Variants in CFAP410 observed in about 807,000 individuals in gnomAD.
The protein encoded by CFAP410 is cilia and flagella associated protein 410.
In CFAP410, 27 loss-of-function variants were observed where a neutral mutation model predicts 25.7. The ratio of observed to expected loss-of-function variants is 1.05; its 90% CI spans 0.77 to 1.45. CFAP410 has a LOEUF of 1.45. Ranked by LOEUF, CFAP410 falls within the 40% of genes most tolerant of loss-of-function variation. The pLI is 0.00. For missense variants in CFAP410, 428 were observed against 354.1 expected, an observed-to-expected ratio of 1.21 and a Z score of -1.67; for synonymous variants, 178 against 158.4, an observed-to-expected ratio of 1.12 and a Z score of -0.93.
At chr21:44,331,036 TGGCACACGGG>T in intron 5 of CFAP410, 117 bp from the exon 6 acceptor site, 1 of 945,278 alleles carries the variant, frequency 1.1e-6, no homozygotes, top group Non-Finnish European at 1.5e-6. Flanking sequence ...AAATCCCACC[TGGCACACGGG>T]GGCAAGAGAA....
chr21:44,334,131 T>G (rs1488353508), intron 3 of CFAP410: 1 of 456,166 alleles, frequency 2.2e-6, no homozygotes, highest in Non-Finnish European at 4.4e-6. Context: ...AGCAGCGTGA[T>G]GTACCGACCG....
chr21:44,332,451 A>G (rs73907173), intron 4 of CFAP410: 6,018 of 166,432 alleles, frequency 0.036, 348 homozygotes, highest in African/African-American at 0.12. Context: ...TGTGCTGAGA[A>G]TGCCAAGGAT....
chr21:44,333,397 C>CT, intron 3 of CFAP410, 135 bp from the exon 4 acceptor site: 2 of 695,806 alleles, frequency 2.9e-6, no homozygotes, highest in East Asian at 5.5e-5. Flanking sequence ...AATCGGATGT[C>CT]ACAAGTCACG....
chr21:44,339,160 GC>G lies in CFAP410; in HGVS notation c.34del (p.Ala12ProfsTer33). ...KLTRKMVLTR[A>X]KASELHSVRK... ...CACGCTGTGCAGCTCCGAGGCCTTGGCCCGGGTCAGAACCATCTTCCGCGTC... is the reference window on the plus strand; with the variant it reads ...CACGCTGTGCAGCTCCGAGGCCTTGGCCGGGTCAGAACCATCTTCCGCGTC... On this transcript the variant is annotated frameshift_variant, in exon 1 of 7. Coordinates refer to ENST00000339818, the MANE Select transcript of CFAP410 (RefSeq NM_004928.3). LOFTEE classifies it high-confidence loss of function. 6.8e-7 allele frequency: 1 copy of G among 1,474,574 alleles called. No homozygotes were observed. The allele number at this position is 1,474,574 out of a possible 1,614,324, so 91.3% of individuals were successfully genotyped here.
chr21:44,331,263 G>A (rs901073049), intron 5 of CFAP410: 40 of 393,998 alleles, frequency 1.0e-4, no homozygotes, highest in East Asian at 6.8e-4. Context: ...GCCCTGTGCC[G>A]GATGGCAGAT....
chr21:44,330,740 G>A, intron 6 of CFAP410, 83 bp downstream of exon 6: 3 of 1,550,450 alleles, frequency 1.9e-6, no homozygotes, highest in Non-Finnish European at 2.6e-6. Context: ...GCCCTGTGAG[G>A]CTCCATGCTC....
At chr21:44,338,246 G>A (rs1419355455) in intron 1 of CFAP410, 3 of 1,263,010 alleles carry the variant, frequency 2.4e-6, no homozygotes. Flanking sequence ...TGGGCAGTCT[G>A]CGGACACCCC....
chr21:44,331,434 G>C (rs943730935), intron 5 of CFAP410: 2 of 258,002 alleles, frequency 7.8e-6, no homozygotes, highest in African/African-American at 4.6e-5. Flanking sequence ...TCAGCCCTGT[G>C]GCCCCTCCAC....
chr21:44,330,457 A>G lies in CFAP410; in HGVS notation c.643-131T>C, dbSNP rs182189357. ...CCCGGGGGTGTGGGCCGTCCAAGTG[A>G]CTGACCGGCACACTCGGAGAATCTG... On this transcript the variant is annotated intron_variant, in intron 6 of 6. Transcript: ENST00000339818. 3.0e-4 allele frequency: 464 copies of G among 1,532,882 alleles called. 3 individuals are homozygous for G. In the East Asian group the frequency reaches 6.7e-3, roughly 22 times the overall value. The allele number at this position is 1,532,882 out of a possible 1,614,324, so 95.0% of individuals were successfully genotyped here.
intron 6 of CFAP410, 52 bp from the exon 7 acceptor site, chr21:44,330,378 C>G: frequency 6.3e-7 from 1 of 1,583,728 alleles, no homozygotes; most frequent in Non-Finnish European, 8.6e-7. Flanking sequence ...GAGGCTGCTT[C>G]CCTCCACAAG....
intron 2 of CFAP410, among the ~76,000 whole-genome samples, chr21:44,337,312 T>C (rs1447058914): frequency 2.0e-5 from 3 of 152,160 alleles, no homozygotes; most frequent in Non-Finnish European, 4.4e-5. Flanking sequence ...AACTTCCCCG[T>C]AACAAAGTAA....
chr21:44,334,353 C>T (rs1332449560), intron 3 of CFAP410: 4 of 436,856 alleles, frequency 9.2e-6, no homozygotes, highest in African/African-American at 8.1e-5. Flanking sequence ...CAGCCCCGCC[C>T]CAAGCTTCCT....
In CFAP410 at chr21:44,331,887, A is replaced by AGCGGAGCT; in HGVS notation, c.493_500dup (p.Glu169ProfsTer26). The AGCGGAGCT allele has an allele frequency of 6.2e-7, 1 of 1,612,866 alleles. No individual in the cohort carries two copies. Among genetic ancestry groups the AGCGGAGCT allele is most frequent in the Non-Finnish European group, 8.5e-7 (1 of 1,179,824 alleles). On this transcript the variant is annotated frameshift_variant, in exon 5 of 7. Transcript: ENST00000339818. LOFTEE classifies it high-confidence loss of function. The stretch of plus-strand genomic sequence containing the variant: ...CCAGCGGGTCCCGGCCAGTCTCAGC[A>AGCGGAGCT]GCGGAGCTGAGGGAGCTCAGTGTGC...
At chr21:44,330,639 G>C in intron 6 of CFAP410, 184 bp downstream of exon 6, 1 of 1,548,880 alleles carries the variant, frequency 6.5e-7, no homozygotes, top group South Asian at 1.2e-5. Context: ...CGTGTTACAC[G>C]TGTGTGCGCA....
Position 44,339,268 on chromosome 21 carries a change from T to C in CFAP410, c.-74A>G. 1 of 966,940 alleles carries C rather than the reference T, an allele frequency of 1.0e-6. No homozygotes were observed. The highest frequency in any genetic ancestry group is 4.1e-5 in the Admixed American group (1 of 24,512). 59.9% of individuals were successfully genotyped at this position (966,940 alleles called of 1,614,324 possible). ...GGGCGGGTGACGACTGCGCGGCGCG[T>C]GTCTCCAGGGGCGGGGCCCGCGTCG... On this transcript the variant is annotated 5_prime_UTR_variant, in exon 1 of 7. Coordinates refer to ENST00000339818, the MANE Select transcript of CFAP410 (RefSeq NM_004928.3).
chr21:44,331,447 C>G (rs779101718), intron 5 of CFAP410: 58 of 261,216 alleles, frequency 2.2e-4, no homozygotes, highest in Non-Finnish European at 3.5e-4. Flanking sequence ...CCCTCCACGG[C>G]CCCCAGGCCC....
At position 44,330,162 on chromosome 21, in the gene CFAP410, C is replaced by T. The variant is rs777832348; in HGVS notation, c.*36G>A. ...CGGGGGCTGGGGAAGACGCTGGGGT[C>T]CCCGTGGAGGCTGGAGCGGCGTTCA... On this transcript the variant is annotated 3_prime_UTR_variant, in exon 7 of 7. Transcript: ENST00000339818. 6 of 1,541,208 alleles carry T rather than the reference C, an allele frequency of 3.9e-6. No individual in the cohort carries two copies. Among genetic ancestry groups the T allele is most frequent in the Middle Eastern group, 2.3e-4 (1 of 4,412 alleles).
At chr21:44,333,364 C>T in intron 3 of CFAP410, 102 bp from the exon 4 acceptor site, 1 of 858,654 alleles carries the variant, frequency 1.2e-6, no homozygotes, top group Non-Finnish European at 1.8e-6. Flanking sequence ...GACCTGTGTC[C>T]CTGCCCTCTC....
At chr21:44,333,592 T>C (rs2047693718) in intron 3 of CFAP410, 3 of 454,102 alleles carry the variant, frequency 6.6e-6, no homozygotes, top group Non-Finnish European at 7.9e-6. Flanking sequence ...AATTAAGGCC[T>C]CTCAGGGGAC....
Sources: gnomAD v4.1 joint callset for allele counts (sites outside exome capture counted in the v4.1 genomes callset) on GRCh38, gnomAD v4.1.1 for gene constraint, MANE v1.5 for transcripts, NCBI Gene and HGNC (gene_info 2026-07-23, HGNC 2026-07-21) for gene names.